Variants in CDH11 observed in about 807,000 individuals in gnomAD.
The protein encoded by CDH11 is cadherin-11.
CDH11 carries 11 observed loss-of-function variants against 67.8 expected under a neutral mutation model. The observed-to-expected ratio is 0.16, with a 90% CI of 0.10 to 0.27. CDH11 has a LOEUF of 0.27. CDH11 is among the 10% of genes least tolerant of loss of function. The pLI is 1.00. For synonymous variants in CDH11, 419 were observed against 400.0 expected (o/e 1.05, Z -0.57); for missense variants, 847 against 1,031.2 (o/e 0.82, Z 2.45).
At chr16:65,004,510 G>A (rs1054815813) in intron 3 of CDH11, 132 bp downstream of exon 3, 6 of 762,966 alleles carry the variant, frequency 7.9e-6, no homozygotes, top group Non-Finnish European at 1.0e-5. Flanking sequence ...ATATTTGGGT[G>A]GTTTTACTGG....
intron 2 of CDH11, among the ~76,000 whole-genome samples, chr16:65,013,452 G>A (rs895972620): frequency 2.6e-5 from 4 of 152,112 alleles, no homozygotes; most frequent in Admixed American, 1.3e-4. Flanking sequence ...GAGTTGGAAG[G>A]TTAGAGCTCA....
chr16:65,118,908 G>A (rs2075284142), intron 1 of CDH11: 1 of 152,118 alleles, frequency 6.6e-6, no homozygotes, highest in Admixed American at 6.5e-5. Context: ...TGAGAATGAA[G>A]GAAGACTAAA....
chr16:65,018,331 G>A (rs1330156418), intron 2 of CDH11, among the ~76,000 whole-genome samples: 1 of 152,234 alleles, frequency 6.6e-6, no homozygotes, highest in East Asian at 1.9e-4. Flanking sequence ...CCTTAAAGCA[G>A]TCTGTTTGAA....
chr16:65,116,453 G>A (rs568280241), intron 1 of CDH11, among the ~76,000 whole-genome samples: 1 of 152,192 alleles, frequency 6.6e-6, no homozygotes, highest in East Asian at 1.9e-4. Context: ...TTCTTCAAGA[G>A]AGCTGAATGT....
At chr16:64,999,607 C>T (rs1362925829) in intron 3 of CDH11, among the ~76,000 whole-genome samples, 1 of 152,000 alleles carries the variant, frequency 6.6e-6, no homozygotes, top group Non-Finnish European at 1.5e-5. Context: ...GATCTCGGCT[C>T]ACTGCAGCCT....
At position 65,042,177 on chromosome 16, in the gene CDH11, G is replaced by A. The variant is rs183054274; in HGVS notation, c.-173+11627C>T. Among the ~76,000 whole-genome samples the A allele has an allele frequency of 1.2e-3, 184 of 152,342 alleles. 1 individual carries two copies. In the Middle Eastern group the frequency reaches 0.014, roughly 11 times the overall value. On this transcript the variant is annotated intron_variant, in intron 2 of 12. Transcript: ENST00000268603. ...CGCTGCCCTTGACATCCAGGACGTA[G>A]GGGTGGGCATGGCTGAACAAGTCTC...
intron 2 of CDH11, among the ~76,000 whole-genome samples, chr16:65,044,368 T>C (rs568113515): frequency 6.6e-6 from 1 of 152,294 alleles, no homozygotes; most frequent in South Asian, 2.1e-4. Flanking sequence ...ACAGAAATGT[T>C]TTATTTTCTT....
Position 65,045,329 on chromosome 16 carries a change from GTATATATA to G in CDH11, c.-173+8467_-173+8474del, listed in dbSNP as rs57695452. On this transcript the variant is annotated intron_variant, in intron 2 of 12. Transcript: ENST00000268603. Reference sequence around the variant, plus strand: ...TTTTAAAAATTTGTTTCCCTCAAAAGTATATATATATATATATATATATATATATATAT... The same window carrying G: ...TTTTAAAAATTTGTTTCCCTCAAAAGTATATATATATATATATATATATAT... Among the ~76,000 whole-genome samples the G allele has an allele frequency of 9.0e-3, 567 of 63,254 alleles. 15 individuals are homozygous for G. Among genetic ancestry groups the G allele is most frequent in the African/African-American group, 0.031 (484 of 15,796 alleles). The allele number at this position is 63,254 out of a possible 152,430, so 41.5% of individuals were successfully genotyped here. A position where few individuals can be genotyped will look rare whatever the true frequency, so the allele number is the denominator to read the frequency against.
intron 1 of CDH11, among the ~76,000 whole-genome samples, chr16:65,077,630 G>C (rs2074536045): frequency 6.6e-6 from 1 of 152,108 alleles, no homozygotes; most frequent in African/African-American, 2.4e-5. Context: ...ATGAACTATA[G>C]GTACCTTATA....
chr16:65,123,170 TG>T (rs1191928960), upstream of CDH11, among the ~76,000 whole-genome samples: 2 of 151,874 alleles, frequency 1.3e-5, no homozygotes, highest in Non-Finnish European at 2.9e-5. Flanking sequence ...GGGAACGGCG[TG>T]GGGATCCGCA....
chr16:65,031,558 G>A (rs1398505125), intron 2 of CDH11, among the ~76,000 whole-genome samples: 1 of 152,130 alleles, frequency 6.6e-6, no homozygotes, highest in African/African-American at 2.4e-5. Flanking sequence ...CAGCAATCCA[G>A]GCAGAGGGAA....
chr16:65,028,643 C>T (rs758907826), intron 2 of CDH11, among the ~76,000 whole-genome samples: 19 of 152,154 alleles, frequency 1.2e-4, no homozygotes, highest in Non-Finnish European at 2.5e-4. Context: ...TTACACTACA[C>T]AGAATAAACT....
At chr16:65,070,831 T>A (rs2142766570) in intron 1 of CDH11, among the ~76,000 whole-genome samples, 1 of 152,296 alleles carries the variant, frequency 6.6e-6, no homozygotes, top group Non-Finnish European at 1.5e-5. Context: ...CTTGTTACTT[T>A]ATAAACACAA....
At chr16:65,024,888 G>A (rs1340572969) in intron 2 of CDH11, among the ~76,000 whole-genome samples, 1 of 152,162 alleles carries the variant, frequency 6.6e-6, no homozygotes, top group East Asian at 1.9e-4. Context: ...GAACCAACTG[G>A]CTCCACACTC....
intron 1 of CDH11, among the ~76,000 whole-genome samples, chr16:65,118,623 C>T (rs773259362): frequency 6.6e-6 from 1 of 152,066 alleles, no homozygotes; most frequent in Admixed American, 6.6e-5. Context: ...AGAAAATCAT[C>T]CCAAACACAT....
chr16:64,979,319 C>T (rs2072263385), intron 8 of CDH11, among the ~76,000 whole-genome samples: 1 of 152,086 alleles, frequency 6.6e-6, no homozygotes, highest in African/African-American at 2.4e-5. Context: ...TGGTGGTGTG[C>T]ACCTGTAGTC....
chr16:64,996,567 G>A (rs944518913), intron 4 of CDH11, among the ~76,000 whole-genome samples: 14 of 151,492 alleles, frequency 9.2e-5, no homozygotes, highest in East Asian at 1.9e-4. Context: ...AAAATAAATC[G>A]TTCTACAAGA....
At chr16:64,973,778 C>A (rs999937042) in intron 8 of CDH11, among the ~76,000 whole-genome samples, 2 of 151,742 alleles carry the variant, frequency 1.3e-5, no homozygotes, top group African/African-American at 4.8e-5. Flanking sequence ...TGCACTCCAG[C>A]GTGGGTGACA....
At chr16:65,084,334 T>A (rs1245208404) in intron 1 of CDH11, among the ~76,000 whole-genome samples, 1 of 151,996 alleles carries the variant, frequency 6.6e-6, no homozygotes, top group Non-Finnish European at 1.5e-5. Context: ...TACATGCCTG[T>A]AGTCCTAGCT....
Sources: allele counts gnomAD v4.1 joint callset (sites outside exome capture counted in the v4.1 genomes callset), GRCh38; gene constraint gnomAD v4.1.1; transcripts MANE v1.5; gene names NCBI Gene and HGNC (gene_info 2026-07-23, HGNC 2026-07-21).